The following ITPK1 variants were observed in gnomAD, a reference collection of about 807,000 sequenced individuals.
The protein encoded by ITPK1 is inositol-tetrakisphosphate 1-kinase, also known as inositol 1,3,4-trisphosphate 5/6-kinase.
ITPK1 carries 21 observed loss-of-function variants against 45.3 expected under a neutral mutation model. That is an observed-to-expected ratio of 0.46 (90% CI 0.33 to 0.67). ITPK1 has a LOEUF of 0.67. ITPK1 is among the 30% of genes least tolerant of loss of function. ITPK1 has a pLI of 0.02. For missense variants in ITPK1, 474 were observed against 573.5 expected (o/e 0.83, Z 1.77); for synonymous variants, 258 against 253.6 (o/e 1.02, Z -0.16).
At chr14:93,066,097 T>G in intron 3 of ITPK1, 1 of 311,870 alleles carries the variant, frequency 3.2e-6, no homozygotes, top group Non-Finnish European at 6.5e-6. Flanking sequence ...AGCAAAAGAA[T>G]AATCTAGAGT....
chr14:92,943,913 C>G (rs1408700351), intron 10 of ITPK1, among the ~76,000 whole-genome samples: 1 of 152,206 alleles, frequency 6.6e-6, no homozygotes, highest in African/African-American at 2.4e-5. Flanking sequence ...ATGGCTGGAG[C>G]TGAGAGGTGG....
At chr14:93,090,248 C>T (rs1176330629) in intron 2 of ITPK1, among the ~76,000 whole-genome samples, 3 of 152,190 alleles carry the variant, frequency 2.0e-5, no homozygotes, top group Non-Finnish European at 4.4e-5. Context: ...TTCTTTCACA[C>T]TTCTGACCAC....
intron 3 of ITPK1, among the ~76,000 whole-genome samples, chr14:93,029,684 C>T (rs1888935920): frequency 6.6e-6 from 1 of 152,174 alleles, no homozygotes; most frequent in African/African-American, 2.4e-5. Flanking sequence ...AGGAGATGAG[C>T]CACCACCCTT....
chr14:92,941,722 AGCAGCCGGGGCTGGCGCT>A lies in ITPK1; in HGVS notation c.1066_1083del (p.Ser356_Cys361del). Reference sequence around the variant, plus strand: ...GCGTCCTGGCCCATCATGCTGCCGCAGCAGCCGGGGCTGGCGCTGCATGTCCGCTCGCCCACCAGGCCG... The same window carrying A: ...GCGTCCTGGCCCATCATGCTGCCGCAGCATGTCCGCTCGCCCACCAGGCCG... On this transcript the variant is annotated inframe_deletion, in exon 11 of 11. Transcript: ENST00000267615. The A allele has an allele frequency of 6.3e-7, 1 of 1,583,586 alleles. No homozygotes were observed. Among genetic ancestry groups the A allele is most frequent in the Non-Finnish European group, 8.6e-7 (1 of 1,166,970 alleles).
In ITPK1 at chr14:93,076,983, G is replaced by A. The variant is rs369733336; in HGVS notation, c.96-364C>T. Among the ~76,000 whole-genome samples the A allele has an allele frequency of 1.0e-3, 157 of 152,098 alleles. 2 individuals are homozygous for A. Among genetic ancestry groups the A allele is most frequent in the African/African-American group, 3.5e-3 (146 of 41,476 alleles). ...ATCCTCACCACCTGCCGTCCCTGCC[G>A]AGCTCAACCCCCATAGGTCCCCATG... On this transcript the variant is annotated intron_variant, in intron 2 of 10. Transcript: ENST00000267615. This position sits in a 1 kb window ranked among gnomAD's most constrained non-coding sequence, Gnocchi z 4.3.
rs561394048 is a variant in ITPK1, at chr14:93,044,101, G to C, written c.121-27300C>G. Among the ~76,000 whole-genome samples the C allele has an allele frequency of 1.8e-4, 27 of 152,268 alleles. No homozygotes were observed. The East Asian group carries it at 5.2e-3, about 29-fold the overall frequency. On this transcript the variant is annotated intron_variant, in intron 3 of 10. Coordinates refer to ENST00000267615, the MANE Select transcript of ITPK1 (RefSeq NM_014216.6). Reference sequence around the variant, plus strand: ...TGAGGAATTCAGGTGGGAGGGGTTGGGGGGGAGGTGAGGAGGGGGTCCTAG... The same window carrying C: ...TGAGGAATTCAGGTGGGAGGGGTTGCGGGGGAGGTGAGGAGGGGGTCCTAG...
chr14:92,969,933 C>T (rs892511622), intron 5 of ITPK1, among the ~76,000 whole-genome samples: 7 of 152,092 alleles, frequency 4.6e-5, no homozygotes, highest in Admixed American at 1.3e-4. Flanking sequence ...CGGGAGGGCA[C>T]GTGGAGATGG....
chr14:93,095,867 G>A (rs763688296), intron 2 of ITPK1, among the ~76,000 whole-genome samples: 15 of 151,992 alleles, frequency 9.9e-5, no homozygotes, highest in Non-Finnish European at 1.9e-4. Flanking sequence ...CTGTTCCTGC[G>A]TTAATTTGCT....
intron 5 of ITPK1, among the ~76,000 whole-genome samples, chr14:92,968,065 C>T (rs775739852): frequency 2.4e-4 from 37 of 152,282 alleles, no homozygotes; most frequent in Non-Finnish European, 4.6e-4. Flanking sequence ...CATGGTGGCT[C>T]ACAACTGTAA....
At chr14:93,084,448 A>C (rs1252505472) in intron 2 of ITPK1, among the ~76,000 whole-genome samples, 1 of 152,226 alleles carries the variant, frequency 6.6e-6, no homozygotes, top group African/African-American at 2.4e-5. Flanking sequence ...AAAGGTCCAC[A>C]GTGCTGAACT....
rs1362655353 is a variant in ITPK1 at position 93,012,890 on chromosome 14, C to T, written c.246+3786G>A. ...GCCCATGGATCACAATCACAGCACC[C>T]CTTCAGGGGCAATTCCAGGGCTAGA... On this transcript the variant is annotated intron_variant, in intron 4 of 10. Coordinates refer to ENST00000267615, the MANE Select transcript of ITPK1 (RefSeq NM_014216.6). The surrounding 1 kb of genome is among the most constrained non-coding windows in gnomAD (Gnocchi z 4.9). 6.6e-6 allele frequency among the ~76,000 whole-genome samples: 1 copy of T among 152,232 alleles called. No individual in the cohort carries two copies. The highest frequency in any genetic ancestry group is 1.5e-5 in the Non-Finnish European group (1 of 68,036).
At chr14:92,970,612 A>G (rs1885598220) in intron 5 of ITPK1, among the ~76,000 whole-genome samples, 2 of 151,026 alleles carry the variant, frequency 1.3e-5, no homozygotes, top group Admixed American at 6.6e-5. Context: ...GGACAGGATC[A>G]GCAGGATCTA....
Position 92,985,647 on chromosome 14 carries a change from C to T in ITPK1, c.364+8233G>A, listed in dbSNP as rs562639259. Among the ~76,000 whole-genome samples the T allele has an allele frequency of 2.6e-5, 4 of 152,060 alleles. No homozygotes were observed. The South Asian group carries it at 8.3e-4, about 32-fold the overall frequency. On this transcript the variant is annotated intron_variant, in intron 5 of 10. Coordinates refer to ENST00000267615, the MANE Select transcript of ITPK1 (RefSeq NM_014216.6). ...GCAAACACGGGGCTGGGCGTTTGGG[C>T]AGAATGGACAGAGGGGAGCAAATGC...
intron 5 of ITPK1, among the ~76,000 whole-genome samples, chr14:92,965,882 A>G (rs1006858264): frequency 6.6e-6 from 1 of 152,188 alleles, no homozygotes; most frequent in African/African-American, 2.4e-5. Flanking sequence ...GCACGCCTGT[A>G]ATCCCAGCTA....
rs192444539 is a variant in ITPK1 at position 92,971,813 on chromosome 14, C to T, written c.365-8964G>A. On this transcript the variant is annotated intron_variant, in intron 5 of 10. Coordinates refer to ENST00000267615, the MANE Select transcript of ITPK1 (RefSeq NM_014216.6). ...GGTGGTTGCAGGGACGCGGTGAGGCCACGCCCATGAGGGGCATTCGGAATG... is the reference window on the plus strand; with the variant it reads ...GGTGGTTGCAGGGACGCGGTGAGGCTACGCCCATGAGGGGCATTCGGAATG... Among the ~76,000 whole-genome samples, 715 of 152,322 alleles carry T rather than the reference C, an allele frequency of 4.7e-3. 8 individuals are homozygous for T. Among genetic ancestry groups the T allele is most frequent in the Non-Finnish European group, 6.0e-3 (406 of 68,026 alleles).
rs566555527 is a variant in ITPK1, at chr14:93,032,467, C to T, written c.121-15666G>A. On this transcript the variant is annotated intron_variant, in intron 3 of 10. Coordinates refer to ENST00000267615, the MANE Select transcript of ITPK1 (RefSeq NM_014216.6). The surrounding 1 kb of genome is among the most constrained non-coding windows in gnomAD (Gnocchi z 4.0). ...TCGGTTGCGTCAAGCTAAGCAGCAG[C>T]AGAAGCTTTCCTGCAGGACTTCTCA... 4.0e-4 allele frequency among the ~76,000 whole-genome samples: 61 copies of T among 152,334 alleles called. No homozygotes were observed. Among genetic ancestry groups the T allele is most frequent in the African/African-American group, 1.4e-3 (59 of 41,580 alleles).
rs886301897 is a variant in ITPK1 at position 92,939,694 on chromosome 14, C to A, written c.*1867G>T. On this transcript the variant is annotated 3_prime_UTR_variant, in exon 11 of 11. Transcript: ENST00000267615. ...CGCGCAAGACCCCGGAGGCCACAAA[C>A]GGTACAGGAACACAGCCAGGAGTCA... The A allele has an allele frequency of 2.0e-6, 2 of 985,262 alleles. No individual in the cohort carries two copies. The highest frequency in any genetic ancestry group is 1.1e-4 in the East Asian group (1 of 8,824). 61.0% of individuals were successfully genotyped at this position (985,262 alleles called of 1,614,324 possible).
rs773657790 is a variant in ITPK1, at chr14:92,946,410, G to A, written c.822C>T (p.Gly274=). 8.1e-6 allele frequency: 13 copies of A among 1,613,130 alleles called. No individual in the cohort carries two copies. The highest frequency in any genetic ancestry group is 4.5e-5 in the East Asian group (2 of 44,892). ...TGATGTCGATGCCGAAGAGTGACAC[G>A]CCCAGTGCCTGCCGCAGGGCCCGGG... ...ELSRALRQAL[G]VSLFGIDIII... Residue 274 remains glycine, a synonymous_variant, in exon 10 of 11, where the codon GGC becomes GGT. Transcript: ENST00000267615.
chr14:92,976,868 C>T (rs1297028254), intron 5 of ITPK1, among the ~76,000 whole-genome samples: 1 of 152,240 alleles, frequency 6.6e-6, no homozygotes, highest in Non-Finnish European at 1.5e-5. Context: ...TCTCCAGTCT[C>T]ATCATTCCCA....
Sources: allele counts gnomAD v4.1 joint callset (sites outside exome capture counted in the v4.1 genomes callset), GRCh38; gene constraint gnomAD v4.1.1; non-coding constraint Gnocchi (gnomAD v3.1); transcripts MANE v1.5; gene names NCBI Gene and HGNC (gene_info 2026-07-23, HGNC 2026-07-21).